Variants in MRC2 observed in about 807,000 individuals in gnomAD.
The protein encoded by MRC2 is mannose receptor C-type 2, also known as C-type mannose receptor 2.
In MRC2, 84 loss-of-function variants were observed where a neutral mutation model predicts 206.2. The ratio of observed to expected loss-of-function variants is 0.41; its 90% CI spans 0.34 to 0.49. The LOEUF is 0.49. Among genes scored for constraint, MRC2 ranks in the 20% least tolerant of loss-of-function variants. The pLI is 0.31. For missense variants in MRC2, 1,676 were observed against 2,001.5 expected (o/e 0.84, Z 3.10); for synonymous variants, 798 against 800.0 (o/e 1.00, Z 0.04).
chr17:62,690,278 A>G lies in MRC2; in HGVS notation c.3865A>G (p.Lys1289Glu). 2 of 1,612,434 alleles carry G rather than the reference A, an allele frequency of 1.2e-6. No individual in the cohort carries two copies. The highest frequency in any genetic ancestry group is 1.7e-6 in the Non-Finnish European group (2 of 1,179,112). The change falls in exon 26 of 30, where the codon AAG (lysine) becomes GAG (glutamate). Residue 1289 changes from lysine (K) to glutamate (E), a missense_variant. Coordinates refer to ENST00000303375, the MANE Select transcript of MRC2 (RefSeq NM_006039.5). The stretch of plus-strand genomic sequence containing the variant: ...CCACATGGAGCTGCTGCTGGGCCAC[A>G]AGGAGGCGCGACAGCGCTGCCAGAG... ...SFHMELLLGH[K>E]EARQRCQRAG...
intron 1 of MRC2, among the ~76,000 whole-genome samples, chr17:62,650,042 C>T (rs573981318): frequency 2.0e-4 from 30 of 152,010 alleles, no homozygotes; most frequent in Non-Finnish European, 3.8e-4. Flanking sequence ...CTACAGGCAC[C>T]CGCCACCACA....
chr17:62,645,500 TATATATA>T (rs1568052016), intron 1 of MRC2, among the ~76,000 whole-genome samples: 968 of 68,088 alleles, frequency 0.014, 7 homozygotes, highest in South Asian at 0.025. Context: ...GTATATATTA[TATATATA>T]TATATATATA....
chr17:62,690,903 C>T, intron 27 of MRC2, 46 bp from the exon 28 acceptor site: 4 of 1,522,490 alleles, frequency 2.6e-6, no homozygotes, highest in Non-Finnish European at 3.5e-6. Context: ...TCCACCTACT[C>T]CTGCCCCACC....
In MRC2 at chr17:62,681,952, G is replaced by T. The variant is rs1223563155; in HGVS notation, c.2803+15G>T. 1 of 1,608,182 alleles carries T rather than the reference G, an allele frequency of 6.2e-7. No homozygotes were observed. Among genetic ancestry groups the T allele is most frequent in the Admixed American group, 1.7e-5 (1 of 59,526 alleles). ...AGCCAGCCGAGGTGAGGGCAAGGTG[G>T]GGGCAGAGTGCGCAGTCAGCTGTGC... is the stretch of plus-strand genomic sequence containing the variant. On this transcript the variant is annotated intron_variant, in intron 19 of 29. Coordinates refer to ENST00000303375, the MANE Select transcript of MRC2 (RefSeq NM_006039.5).
At chr17:62,668,688 C>T (rs2147468756) in intron 6 of MRC2, among the ~76,000 whole-genome samples, 1 of 152,222 alleles carries the variant, frequency 6.6e-6, no homozygotes, top group African/African-American at 2.4e-5. Flanking sequence ...GGCTGCTGGG[C>T]CAAGTTTGGG....
Position 62,688,498 on chromosome 17 carries a change from T to C in MRC2, c.3062-3T>C, listed in dbSNP as rs188922693. On this transcript the variant is annotated splice_region_variant and splice_polypyrimidine_tract_variant and intron_variant, in intron 21 of 29. Coordinates refer to ENST00000303375, the MANE Select transcript of MRC2 (RefSeq NM_006039.5). ...ACTCACAACTGTCTTCTGGGGACCA[T>C]AGCATTCATCACAGCCAGCCTGCCC... 4.8e-4 allele frequency: 779 copies of C among 1,614,226 alleles called. 7 individuals are homozygous for C. In the African/African-American group the frequency reaches 9.3e-3, roughly 19 times the overall value.
rs535186013 is a variant in MRC2, at chr17:62,667,340, C to G, written c.974-50C>G. 2.0e-6 allele frequency: 3 copies of G among 1,533,822 alleles called. No individual in the cohort carries two copies. Among genetic ancestry groups the G allele is most frequent in the Non-Finnish European group, 2.6e-6 (3 of 1,142,490 alleles). ...GTTCTGAGCAGGGCCCCGGGAGCCA[C>G]GGTGTGAGCTTCTCTCTCCGGGGGT... is the stretch of plus-strand genomic sequence containing the variant. On this transcript the variant is annotated intron_variant, in intron 5 of 29. Coordinates refer to ENST00000303375, the MANE Select transcript of MRC2 (RefSeq NM_006039.5). The surrounding 1 kb of genome is among the most constrained non-coding windows in gnomAD (Gnocchi z 4.1).
intron 1 of MRC2, among the ~76,000 whole-genome samples, chr17:62,635,934 C>T (rs921734005): frequency 1.3e-5 from 2 of 151,850 alleles, no homozygotes; most frequent in Non-Finnish European, 2.9e-5. Context: ...ACTACAGGCG[C>T]CCGCCACCAC....
rs1337667788 is a variant in MRC2, at chr17:62,636,464, T to A, written c.118+8544T>A. Among the ~76,000 whole-genome samples, 23 of 97,352 alleles carry A rather than the reference T, an allele frequency of 2.4e-4. No individual in the cohort carries two copies. In the East Asian group the frequency reaches 4.0e-3, roughly 17 times the overall value. 63.9% of individuals were successfully genotyped at this position (97,352 alleles called of 152,430 possible). ...TAGTTCATTGGGTAATCTTCTGATT[T>A]TTTTTTTTTTTTTTTTTTTTTTGAG... On this transcript the variant is annotated intron_variant, in intron 1 of 29. Transcript: ENST00000303375.
At chr17:62,637,183 A>C (rs953846071) in intron 1 of MRC2, among the ~76,000 whole-genome samples, 1 of 151,386 alleles carries the variant, frequency 6.6e-6, no homozygotes, top group African/African-American at 2.4e-5. Context: ...GCCAGGTAAA[A>C]CCCCCGTCTC....
chr17:62,692,198 C>T lies in MRC2; in HGVS notation c.4220-33C>T. On this transcript the variant is annotated intron_variant, in intron 29 of 29. Coordinates refer to ENST00000303375, the MANE Select transcript of MRC2 (RefSeq NM_006039.5). The surrounding 1 kb of genome is among the most constrained non-coding windows in gnomAD (Gnocchi z 4.2). ...AGGAAGCACTGCTGGGCCTAACGCC[C>T]ACTTGGCCTTTCACGCCCACTCGCC... The T allele has an allele frequency of 6.2e-7, 1 of 1,613,786 alleles. No homozygotes were observed. The highest frequency in any genetic ancestry group is 2.2e-5 in the East Asian group (1 of 44,890).
chr17:62,682,117 A>C, intron 19 of MRC2, 118 bp from the exon 20 acceptor site: 2 of 1,208,992 alleles, frequency 1.7e-6, no homozygotes, highest in Non-Finnish European at 2.3e-6. Context: ...TCGGAGCTGG[A>C]CACAGGCCCT....
In MRC2 at chr17:62,671,031, T is replaced by TG. The variant is rs1335731395; in HGVS notation, c.1118-614dup. The stretch of plus-strand genomic sequence containing the variant: ...TTACAGAGGGAGAAACTGAGGTTCA[T>TG]GGGGCTGGTTTGTCCTTTCTACCCA... On this transcript the variant is annotated intron_variant, in intron 6 of 29. Coordinates refer to ENST00000303375, the MANE Select transcript of MRC2 (RefSeq NM_006039.5). This position sits in a 1 kb window ranked among gnomAD's most constrained non-coding sequence, Gnocchi z 4.5. Among the ~76,000 whole-genome samples, 1 of 152,216 alleles carries TG rather than the reference T, an allele frequency of 6.6e-6. No individual in the cohort carries two copies. Among genetic ancestry groups the TG allele is most frequent in the African/African-American group, 2.4e-5 (1 of 41,462 alleles).
At chr17:62,653,688 T>C (rs1371213485) in intron 1 of MRC2, among the ~76,000 whole-genome samples, 1 of 152,022 alleles carries the variant, frequency 6.6e-6, no homozygotes, top group Non-Finnish European at 1.5e-5. Flanking sequence ...CACAAGCACT[T>C]TAAGCTGTGG....
chr17:62,637,582 C>T (rs2088340523), intron 1 of MRC2, among the ~76,000 whole-genome samples: 1 of 151,766 alleles, frequency 6.6e-6, no homozygotes, highest in Non-Finnish European at 1.5e-5. Flanking sequence ...CCGGCCTTCT[C>T]AGTGCTTGTG....
intron 1 of MRC2, among the ~76,000 whole-genome samples, chr17:62,654,641 T>A (rs966820763): frequency 3.3e-5 from 5 of 152,084 alleles, no homozygotes; most frequent in Non-Finnish European, 1.5e-5. Context: ...GCCTTTGCAC[T>A]CAGCCTCGCG....
At position 62,678,489 on chromosome 17, in the gene MRC2, A is replaced by T. The variant is rs377679331; in HGVS notation, c.2053-15A>T. On this transcript the variant is annotated splice_polypyrimidine_tract_variant and intron_variant, in intron 12 of 29. Transcript: ENST00000303375. ...CAGTGGGGACAGCTTAGACAGCTGG[A>T]CTCTGCCCCTGCAGGTGTTCAGCTC... 19 of 1,611,194 alleles carry T rather than the reference A, an allele frequency of 1.2e-5. No homozygotes were observed. In the East Asian group the frequency reaches 3.4e-4, roughly 28 times the overall value.
Position 62,666,478 on chromosome 17 carries a change from G to T in MRC2, c.718G>T (p.Asp240Tyr). The T allele has an allele frequency of 6.2e-7, 1 of 1,614,002 alleles. No individual in the cohort carries two copies. The highest frequency in any genetic ancestry group is 1.1e-5 in the South Asian group (1 of 91,080). The change falls in exon 4 of 30, where the codon GAC (aspartate) becomes TAC (tyrosine). Residue 240 changes from aspartate to tyrosine, a missense_variant. Coordinates refer to ENST00000303375, the MANE Select transcript of MRC2 (RefSeq NM_006039.5). The surrounding 1 kb of genome is among the most constrained non-coding windows in gnomAD (Gnocchi z 5.0). ...IKSNDCETFW[D>Y]KDQLTDSCYQ... ...AGGTAACGACTGCGAGACCTTCTGG[G>T]ACAAGGACCAGCTGACTGACAGCTG...
intron 6 of MRC2, among the ~76,000 whole-genome samples, chr17:62,670,327 G>C (rs2088812404): frequency 6.6e-6 from 1 of 152,218 alleles, no homozygotes; most frequent in Admixed American, 6.5e-5. Flanking sequence ...CGCTTGTCTG[G>C]GGCGGCAGCC....
Sources: gnomAD v4.1 joint callset for allele counts (sites outside exome capture counted in the v4.1 genomes callset) on GRCh38, gnomAD v4.1.1 for gene constraint, Gnocchi (gnomAD v3.1) non-coding constraint, MANE v1.5 for transcripts, NCBI Gene and HGNC (gene_info 2026-07-23, HGNC 2026-07-21) for gene names.